LRRC4C: variants seen among roughly 807,000 people sequenced by gnomAD.
The protein encoded by LRRC4C is leucine-rich repeat-containing protein 4C.
Under a neutral mutation model 33.6 loss-of-function variants are expected in LRRC4C, and 5 were observed. That is an observed-to-expected ratio of 0.15 (90% CI 0.08 to 0.31). The LOEUF (loss-of-function observed/expected upper bound fraction) is 0.31, where lower values mean the gene tolerates loss of function less well. Ranked by LOEUF, LRRC4C falls within the 10% of genes least tolerant of loss-of-function variation. The pLI is 1.00. For synonymous variants in LRRC4C, 329 were observed against 302.0 expected (o/e 1.09, Z -0.93); for missense variants, 560 against 796.7 (o/e 0.70, Z 3.58).
rs571803270 is a variant in LRRC4C, at chr11:40,418,640, A to G, written c.-269-98919T>C. ...TACTCAAAGGAGTATAAATCATTCT[A>G]TTACAAAGATGCATGCACACGTATG... On this transcript the variant is annotated intron_variant, in intron 3 of 6. Coordinates refer to ENST00000528697, the MANE Select transcript of LRRC4C (RefSeq NM_001258419.2). Among the ~76,000 whole-genome samples the G allele has an allele frequency of 2.6e-4, 40 of 152,344 alleles. 2 individuals carry two copies. The highest frequency in any genetic ancestry group is 8.9e-4 in the African/African-American group (37 of 41,580).
chr11:40,875,967 T>C (rs1954867098), intron 2 of LRRC4C, among the ~76,000 whole-genome samples: 1 of 152,166 alleles, frequency 6.6e-6, no homozygotes, highest in Non-Finnish European at 1.5e-5. Flanking sequence ...GTGTTACTTA[T>C]GTCCAGTCTA....
chr11:41,431,195 A>G (rs980753001), intron 1 of LRRC4C, among the ~76,000 whole-genome samples: 1 of 152,128 alleles, frequency 6.6e-6, no homozygotes, highest in Non-Finnish European at 1.5e-5. Flanking sequence ...ACATTCCTTG[A>G]GAATCTATTA....
chr11:40,195,759 T>C (rs1406909891), intron 5 of LRRC4C, among the ~76,000 whole-genome samples: 1 of 151,906 alleles, frequency 6.6e-6, no homozygotes, highest in Non-Finnish European at 1.5e-5. Flanking sequence ...AAAAAAAAGA[T>C]TTCCTTGACT....
chr11:40,843,498 T>G (rs1031742462), intron 2 of LRRC4C, among the ~76,000 whole-genome samples: 17 of 152,176 alleles, frequency 1.1e-4, no homozygotes, highest in Non-Finnish European at 1.9e-4. Flanking sequence ...GTCTCAAGTT[T>G]GGATTTTCTC....
rs573796430 is a variant in LRRC4C at position 40,835,886 on chromosome 11, G to A, written c.-407+97749C>T. Among the ~76,000 whole-genome samples, 11 of 152,224 alleles carry A rather than the reference G, an allele frequency of 7.2e-5. No homozygotes were observed. The East Asian group carries it at 2.1e-3, about 29-fold the overall frequency. ...ATGTCAATTAAATTTGCTGGTGTGT[G>A]TTTTCATTACATTGTATCTTGTTAG... On this transcript the variant is annotated intron_variant, in intron 2 of 6. Transcript: ENST00000528697.
At chr11:41,456,432 T>C (rs1956173113) in intron 1 of LRRC4C, among the ~76,000 whole-genome samples, 1 of 152,042 alleles carries the variant, frequency 6.6e-6, no homozygotes, top group African/African-American at 2.4e-5. Context: ...CCCTGTTTGT[T>C]ACAGAGGGAA....
At chr11:41,421,620 G>A (rs981444389) in intron 1 of LRRC4C, among the ~76,000 whole-genome samples, 1 of 151,926 alleles carries the variant, frequency 6.6e-6, no homozygotes, top group African/African-American at 2.4e-5. Flanking sequence ...GATTTCTGGA[G>A]GGGAAAGAAA....
At chr11:40,738,679 T>C (rs187479849) in intron 2 of LRRC4C, among the ~76,000 whole-genome samples, 103 of 152,236 alleles carry the variant, frequency 6.8e-4, no homozygotes, top group Non-Finnish European at 1.2e-3. Context: ...GATAAATTTA[T>C]CTTCACATAT....
intron 1 of LRRC4C, among the ~76,000 whole-genome samples, chr11:41,208,057 C>A (rs1255161193): frequency 6.6e-6 from 1 of 152,060 alleles, no homozygotes; most frequent in African/African-American, 2.4e-5. Context: ...GAGAAAGTAT[C>A]ACCTTAGAGA....
rs1260755726 is a variant in LRRC4C, at chr11:40,589,633, G to A, written c.-270+58509C>T. On this transcript the variant is annotated intron_variant, in intron 3 of 6. Transcript: ENST00000528697. ...GCTGGTACCAGTTGTTCCTTTCCAC[G>A]TTTAGTGCTTCCTTCAGGAGCTCTT... Among the ~76,000 whole-genome samples the A allele has an allele frequency of 7.9e-5, 12 of 152,150 alleles. No homozygotes were observed. The South Asian group carries it at 8.3e-4, about 11-fold the overall frequency.
chr11:41,304,971 G>A (rs1290772390), intron 1 of LRRC4C, among the ~76,000 whole-genome samples: 4 of 110,376 alleles, frequency 3.6e-5, no homozygotes, highest in African/African-American at 1.0e-4. Context: ...GGTGAGGGGC[G>A]CCTCTGCCCG....
intron 5 of LRRC4C, among the ~76,000 whole-genome samples, chr11:40,220,466 T>C (rs1418785140): frequency 1.3e-5 from 2 of 152,206 alleles, no homozygotes; most frequent in African/African-American, 2.4e-5. Flanking sequence ...CCTACCTATA[T>C]TCATTAGAAT....
chr11:41,027,551 C>T lies in LRRC4C; in HGVS notation c.-495-93828G>A, dbSNP rs140797458. Among the ~76,000 whole-genome samples the T allele has an allele frequency of 4.3e-3, 648 of 151,790 alleles. 4 individuals are homozygous for T. Among genetic ancestry groups the T allele is most frequent in the African/African-American group, 0.015 (621 of 41,488 alleles). On this transcript the variant is annotated intron_variant, in intron 1 of 6. Coordinates refer to ENST00000528697, the MANE Select transcript of LRRC4C (RefSeq NM_001258419.2). Reference sequence around the variant, plus strand: ...AGTTAAATCATCACAATAATTTTAACGTTAAAACATTTTTATGCAGTTACA... The same window carrying T: ...AGTTAAATCATCACAATAATTTTAATGTTAAAACATTTTTATGCAGTTACA...
intron 4 of LRRC4C, among the ~76,000 whole-genome samples, chr11:40,271,810 T>C (rs1443241470): frequency 6.6e-6 from 1 of 152,212 alleles, no homozygotes; most frequent in East Asian, 1.9e-4. Context: ...CATATCTGCC[T>C]CCTAGACCCA....
At chr11:40,231,266 A>G (rs1251149155) in intron 5 of LRRC4C, among the ~76,000 whole-genome samples, 1 of 152,220 alleles carries the variant, frequency 6.6e-6, no homozygotes, top group Non-Finnish European at 1.5e-5. Context: ...GATTTACAGT[A>G]ACTCCCCAGG....
chr11:41,251,342 C>T lies in LRRC4C; in HGVS notation c.-496+208089G>A, dbSNP rs116835685. ...TCTAATTCTTCGCTGTAGAGCTCAC[C>T]GTCTGCCCTACCTCCTGAGACCTGG... On this transcript the variant is annotated intron_variant, in intron 1 of 6. Coordinates refer to ENST00000528697, the MANE Select transcript of LRRC4C (RefSeq NM_001258419.2). Among the ~76,000 whole-genome samples the T allele has an allele frequency of 5.2e-3, 791 of 152,242 alleles. 9 individuals are homozygous for T. The highest frequency in any genetic ancestry group is 0.018 in the African/African-American group (751 of 41,542).
At chr11:40,878,637 T>C (rs994627744) in intron 2 of LRRC4C, among the ~76,000 whole-genome samples, 17 of 152,186 alleles carry the variant, frequency 1.1e-4, no homozygotes, top group African/African-American at 4.1e-4. Flanking sequence ...GCCACTCACC[T>C]CCTACTGTGC....
chr11:40,205,834 G>A (rs567232782), intron 5 of LRRC4C, among the ~76,000 whole-genome samples: 88 of 152,196 alleles, frequency 5.8e-4, no homozygotes, highest in Non-Finnish European at 1.1e-3. Context: ...TGAGAGGCCC[G>A]CTTGGTTCTC....
At chr11:40,415,174 T>G (rs1478351001) in intron 3 of LRRC4C, among the ~76,000 whole-genome samples, 1 of 152,146 alleles carries the variant, frequency 6.6e-6, no homozygotes, top group Non-Finnish European at 1.5e-5. Context: ...AACACCTTTA[T>G]GCATATATAA....
Sources: gnomAD v4.1 joint callset for allele counts (sites outside exome capture counted in the v4.1 genomes callset) on GRCh38, gnomAD v4.1.1 for gene constraint, MANE v1.5 for transcripts, NCBI Gene and HGNC (gene_info 2026-07-23, HGNC 2026-07-21) for gene names.